EBPL: variants seen among roughly 807,000 people sequenced by gnomAD.
EBPL encodes EBP like, also known as emopamil-binding protein-like.
Under a neutral mutation model 19.0 loss-of-function variants are expected in EBPL, and 20 were observed. That is an observed-to-expected ratio of 1.05 (90% CI 0.74 to 1.53). EBPL has a LOEUF of 1.53. Among genes scored for constraint, EBPL ranks in the 40% most tolerant of loss-of-function variants. EBPL has a pLI of 0.00. For synonymous variants in EBPL, 107 were observed against 117.0 expected (o/e 0.91, Z 0.55); for missense variants, 219 against 261.1 (o/e 0.84, Z 1.11).
At chr13:49,675,192 G>A (rs914503540) in intron 1 of EBPL, among the ~76,000 whole-genome samples, 1 of 152,196 alleles carries the variant, frequency 6.6e-6, no homozygotes, top group Admixed American at 6.5e-5. Flanking sequence ...TCACACGTAG[G>A]CTATATGGAT....
rs549345760 is a variant in EBPL at position 49,685,973 on chromosome 13, C to T, written c.171+5281G>A. Among the ~76,000 whole-genome samples the T allele has an allele frequency of 2.0e-4, 30 of 152,220 alleles. No homozygotes were observed. The East Asian group carries it at 4.2e-3, about 22-fold the overall frequency. ...GGGTAATGCCCAGCTTCAGAGAGGG[C>T]GTGGCACAGCCACTGGGCCTCAAGA... On this transcript the variant is annotated intron_variant, in intron 1 of 3. Coordinates refer to ENST00000242827, the MANE Select transcript of EBPL (RefSeq NM_032565.5).
intron 1 of EBPL, among the ~76,000 whole-genome samples, chr13:49,676,712 C>A (rs1366111039): frequency 2.0e-5 from 3 of 152,202 alleles, no homozygotes; most frequent in Admixed American, 2.0e-4. Context: ...GACTGCATGA[C>A]AATGATTTGT....
rs1008881243 is a variant in EBPL at position 49,661,712 on chromosome 13, C to T, written c.381-504G>A. On this transcript the variant is annotated intron_variant, in intron 3 of 3. Transcript: ENST00000242827. ...CACATGGGCACACGTAGTAAGTTTG[C>T]AACCAGCGTCATGGAGTGAAAAATA... The T allele has an allele frequency of 1.0e-5, 10 of 981,758 alleles. No individual in the cohort carries two copies. In the Admixed American group the frequency reaches 1.8e-4, roughly 18 times the overall value. 60.8% of individuals were successfully genotyped at this position (981,758 alleles called of 1,614,324 possible).
chr13:49,688,718 C>CAA lies in EBPL; in HGVS notation c.171+2534_171+2535dup, dbSNP rs56059575. Among the ~76,000 whole-genome samples the CAA allele has an allele frequency of 3.9e-3, 373 of 95,184 alleles. 6 individuals are homozygous for CAA. Among genetic ancestry groups the CAA allele is most frequent in the African/African-American group, 9.1e-3 (228 of 24,978 alleles). 62.4% of individuals were successfully genotyped at this position (95,184 alleles called of 152,430 possible). A position where few individuals can be genotyped will look rare whatever the true frequency, so the allele number is the denominator to read the frequency against. On this transcript the variant is annotated intron_variant, in intron 1 of 3. Coordinates refer to ENST00000242827, the MANE Select transcript of EBPL (RefSeq NM_032565.5). The stretch of plus-strand genomic sequence containing the variant: ...TGGGTAATAGAGCGAGACTCCGTCT[C>CAA]AAAAAAAAAAAAAAAAAAAAAGAAG...
At chr13:49,686,453 TC>T (rs1953999211) in intron 1 of EBPL, 1 of 1,283,194 alleles carries the variant, frequency 7.8e-7, no homozygotes, top group Non-Finnish European at 1.0e-6. Context: ...ACCATTGACT[TC>T]CTGGTTGCCA....
intron 1 of EBPL, among the ~76,000 whole-genome samples, chr13:49,678,020 GA>G (rs1378917210): frequency 1.2e-5 from 1 of 86,352 alleles, no homozygotes; most frequent in African/African-American, 3.0e-5. Context: ...CCACAGCGTG[GA>G]AGGGGACCCA....
chr13:49,672,013 T>C (rs1385203694), intron 1 of EBPL, among the ~76,000 whole-genome samples: 1 of 152,220 alleles, frequency 6.6e-6, no homozygotes, highest in Non-Finnish European at 1.5e-5. Flanking sequence ...TTTGACCTCC[T>C]AGTGAGAATT....
At chr13:49,688,348 T>C (rs559119997) in intron 1 of EBPL, among the ~76,000 whole-genome samples, 12 of 152,264 alleles carry the variant, frequency 7.9e-5, no homozygotes, top group Admixed American at 7.8e-4. Context: ...CTGGGAATGC[T>C]TGGCTTGAAA....
chr13:49,670,750 A>G (rs1594408073), intron 1 of EBPL, among the ~76,000 whole-genome samples: 1 of 152,116 alleles, frequency 6.6e-6, no homozygotes, highest in African/African-American at 2.4e-5. Context: ...TCTATTACTT[A>G]CACAAATTTG....
At chr13:49,688,640 A>T (rs1467308762) in intron 1 of EBPL, among the ~76,000 whole-genome samples, 1 of 147,150 alleles carries the variant, frequency 6.8e-6, no homozygotes, top group Non-Finnish European at 1.5e-5. Context: ...AATGGCGTGA[A>T]CCCGAGAGGC....
At position 49,663,096 on chromosome 13, in the gene EBPL, A is replaced by T; in HGVS notation, c.341T>A (p.Leu114Ter). ...TTTGACTATGGCATAAATGAGGAAC[A>T]ATGCCAGAGACCCATCCAGGGCGAC... is the stretch of plus-strand genomic sequence containing the variant. ...LTVALDGSLALFLIYAIVKEK... is the reference protein window; with the variant it reads ...LTVALDGSLA Residue 114 changes from leucine (L) to a stop codon, truncating the protein, a stop_gained, in exon 3 of 4, where the codon TTG (leucine) becomes TAG (stop). Coordinates refer to ENST00000242827, the MANE Select transcript of EBPL (RefSeq NM_032565.5). LOFTEE classifies it high-confidence loss of function. The T allele has an allele frequency of 6.2e-7, 1 of 1,614,216 alleles. No individual in the cohort carries two copies. The highest frequency in any genetic ancestry group is 1.7e-5 in the Admixed American group (1 of 60,026).
chr13:49,675,179 A>G (rs1953862882), intron 1 of EBPL, among the ~76,000 whole-genome samples: 1 of 152,198 alleles, frequency 6.6e-6, no homozygotes, highest in African/African-American at 2.4e-5. Flanking sequence ...TGTAACACTT[A>G]CCTCACACGT....
At chr13:49,675,678 G>A (rs1196841051) in intron 1 of EBPL, among the ~76,000 whole-genome samples, 1 of 152,150 alleles carries the variant, frequency 6.6e-6, no homozygotes, top group Non-Finnish European at 1.5e-5. Context: ...GGATCTGTTG[G>A]AGTGCCTGGT....
At chr13:49,666,199 T>C (rs537945256) in intron 2 of EBPL, among the ~76,000 whole-genome samples, 30 of 152,304 alleles carry the variant, frequency 2.0e-4, no homozygotes, top group African/African-American at 7.0e-4. Context: ...GAGGATGTGA[T>C]TGGCTTGTCT....
At chr13:49,681,801 G>A (rs1178334192) in intron 1 of EBPL, among the ~76,000 whole-genome samples, 1 of 152,196 alleles carries the variant, frequency 6.6e-6, no homozygotes, top group Non-Finnish European at 1.5e-5. Context: ...TACTGAGGCT[G>A]AGTTTATATT....
Position 49,661,819 on chromosome 13 carries a change from A to G in EBPL, c.381-611T>C, listed in dbSNP as rs1965153026. The G allele has an allele frequency of 1.9e-6, 3 of 1,545,680 alleles. No homozygotes were observed. In the Admixed American group the frequency reaches 5.9e-5, roughly 31 times the overall value. ...GGTGGGGAAGGAAGCTTTAAATAAG[A>G]CTTCTTCATTACAAGATGGTGGAAA... On this transcript the variant is annotated intron_variant, in intron 3 of 3. Coordinates refer to ENST00000242827, the MANE Select transcript of EBPL (RefSeq NM_032565.5).
At chr13:49,683,745 C>G (rs773041167) in intron 1 of EBPL, among the ~76,000 whole-genome samples, 2 of 152,106 alleles carry the variant, frequency 1.3e-5, no homozygotes, top group Non-Finnish European at 2.9e-5. Flanking sequence ...GGAACTCGCA[C>G]ACAATGCTAG....
intron 2 of EBPL, 90 bp downstream of exon 2, chr13:49,669,687 G>A (rs915309475): frequency 3.6e-6 from 4 of 1,102,168 alleles, no homozygotes; most frequent in Non-Finnish European, 5.5e-6. Context: ...TATAAATGAA[G>A]TCATACAGTA....
intron 1 of EBPL, among the ~76,000 whole-genome samples, chr13:49,686,010 A>G (rs1174185834): frequency 6.6e-6 from 1 of 152,180 alleles, no homozygotes; most frequent in Non-Finnish European, 1.5e-5. Flanking sequence ...TTCTCAACGA[A>G]AAACCATTCA....
Sources: gnomAD v4.1 joint callset for allele counts (sites outside exome capture counted in the v4.1 genomes callset) on GRCh38, gnomAD v4.1.1 for gene constraint, MANE v1.5 for transcripts, NCBI Gene and HGNC (gene_info 2026-07-23, HGNC 2026-07-21) for gene names.